The following GPC3 variants were observed in gnomAD, a reference collection of about 807,000 sequenced individuals.
GPC3 encodes the protein glypican 3.
Under a neutral mutation model 34.4 loss-of-function variants are expected in GPC3, and 3 were observed. That is an observed-to-expected ratio of 0.09 (90% CI 0.04 to 0.23). The LOEUF (loss-of-function observed/expected upper bound fraction) is 0.23. Among genes scored for constraint, GPC3 ranks in the 10% least tolerant of loss-of-function variants. The pLI, the probability that GPC3 is intolerant of heterozygous loss-of-function variation, is 1.00. For synonymous variants in GPC3, 177 were observed against 174.0 expected, an observed-to-expected ratio of 1.02 and a Z score of -0.13; for missense variants, 351 against 445.6, an observed-to-expected ratio of 0.79 and a Z score of 1.91.
In GPC3 at chrX:133,540,915, GGTGTGTGTGTGT is replaced by G. The variant is rs369378252; in HGVS notation, c.1574-4634_1574-4623del. Among the ~76,000 whole-genome samples, 29 of 91,706 alleles carry G rather than the reference GGTGTGTGTGTGT, an allele frequency of 3.2e-4. No homozygotes were observed. In the East Asian group the frequency reaches 3.8e-3, roughly 12 times the overall value. The allele number at this position is 91,706 out of a possible 115,157, so 79.6% of individuals were successfully genotyped here. The stretch of plus-strand genomic sequence containing the variant: ...GGAGCCACAGAATGGACATTGTTGT[GGTGTGTGTGTGT>G]GTGTGTGTGTGTGTGTGTGTGTGTG... On this transcript the variant is annotated intron_variant, in intron 7 of 7. Transcript: ENST00000370818.
At chrX:133,956,490 T>A (rs1368256802) in intron 1 of GPC3, among the ~76,000 whole-genome samples, 1 of 112,116 alleles carries the variant, frequency 8.9e-6, no homozygotes, top group Non-Finnish European at 1.9e-5. Flanking sequence ...GGGACACATA[T>A]GTAGACATGA....
intron 3 of GPC3, among the ~76,000 whole-genome samples, chrX:133,711,843 C>G (rs1213840410): frequency 9.0e-6 from 1 of 111,609 alleles, no homozygotes; most frequent in Non-Finnish European, 1.9e-5. Context: ...GAACTGAGTG[C>G]TCTTACTGGC....
At chrX:133,598,904 T>A (rs1331178652) in intron 6 of GPC3, among the ~76,000 whole-genome samples, 3 of 111,953 alleles carry the variant, frequency 2.7e-5, no homozygotes, top group African/African-American at 9.7e-5. Flanking sequence ...TTATCTCCAA[T>A]CTCATCTGAA....
At chrX:133,780,763 A>G (rs889796050) in intron 2 of GPC3, among the ~76,000 whole-genome samples, 1 of 111,322 alleles carries the variant, frequency 9.0e-6, no homozygotes, top group African/African-American at 3.3e-5. Context: ...CACCTCCTCC[A>G]TCAAACCCTG....
At chrX:133,740,291 T>C (rs987004931) in intron 3 of GPC3, among the ~76,000 whole-genome samples, 1 of 112,083 alleles carries the variant, frequency 8.9e-6, no homozygotes, top group Non-Finnish European at 1.9e-5. Flanking sequence ...GAGGAAAACG[T>C]TTCCACCACT....
intron 7 of GPC3, among the ~76,000 whole-genome samples, chrX:133,544,671 G>A (rs2069367631): frequency 9.0e-6 from 1 of 111,592 alleles, no homozygotes; most frequent in Admixed American, 9.5e-5. Flanking sequence ...GACCACAGGT[G>A]TGTGCCACCA....
At chrX:133,882,851 A>T (rs1247669663) in intron 2 of GPC3, among the ~76,000 whole-genome samples, 2 of 111,319 alleles carry the variant, frequency 1.8e-5, no homozygotes, top group Admixed American at 1.9e-4. Context: ...TGAGAATCTT[A>T]TTTCCAATCT....
intron 6 of GPC3, among the ~76,000 whole-genome samples, chrX:133,650,967 T>C (rs1342864077): frequency 4.5e-5 from 5 of 111,251 alleles, no homozygotes; most frequent in Non-Finnish European, 1.9e-5. Context: ...ATAGATCTAT[T>C]TGGCTCTAAA....
chrX:133,932,867 GGACA>G (rs2076304611), intron 2 of GPC3, among the ~76,000 whole-genome samples: 1 of 111,156 alleles, frequency 9.0e-6, no homozygotes, highest in Non-Finnish European at 1.9e-5. Context: ...TCATCTCTTT[GGACA>G]GACAAAGAAA....
At chrX:133,822,775 C>T (rs2075725612) in intron 2 of GPC3, among the ~76,000 whole-genome samples, 1 of 110,686 alleles carries the variant, frequency 9.0e-6, no homozygotes, top group African/African-American at 3.3e-5. Context: ...AAACAAGACC[C>T]AGAGCCTCAT....
intron 5 of GPC3, among the ~76,000 whole-genome samples, chrX:133,683,382 G>A (rs1288209178): frequency 8.9e-6 from 1 of 112,007 alleles, no homozygotes; most frequent in African/African-American, 3.2e-5. Context: ...CTGATTCATG[G>A]AGCAGTGATA....
chrX:133,810,683 A>T (rs2075659710), intron 2 of GPC3, among the ~76,000 whole-genome samples: 2 of 109,026 alleles, frequency 1.8e-5, no homozygotes, highest in Non-Finnish European at 3.8e-5. Flanking sequence ...AGGCGGGTGG[A>T]TCACGAGGTC....
chrX:133,829,239 C>T (rs778726816), intron 2 of GPC3, among the ~76,000 whole-genome samples: 31 of 111,776 alleles, frequency 2.8e-4, no homozygotes, highest in Admixed American at 2.1e-3. Context: ...AATTTTATAA[C>T]GGTAAAGGGT....
intron 2 of GPC3, among the ~76,000 whole-genome samples, chrX:133,899,237 C>T (rs999904911): frequency 7.1e-5 from 8 of 111,986 alleles, no homozygotes; most frequent in African/African-American, 1.3e-4. Flanking sequence ...TTATAAGGAA[C>T]ATCAGTCTCA....
chrX:133,926,970 A>G (rs1227173170), intron 2 of GPC3, among the ~76,000 whole-genome samples: 2 of 110,530 alleles, frequency 1.8e-5, no homozygotes, highest in Non-Finnish European at 3.8e-5. Flanking sequence ...CTCCTCTGGA[A>G]CCACCAATTA....
At chrX:133,759,033 A>C (rs889322175) in intron 2 of GPC3, among the ~76,000 whole-genome samples, 1 of 111,531 alleles carries the variant, frequency 9.0e-6, no homozygotes, top group Admixed American at 9.5e-5. Context: ...CATTATACTT[A>C]AAGTACTAGC....
At chrX:133,734,426 C>T (rs762029376) in intron 3 of GPC3, among the ~76,000 whole-genome samples, 1 of 110,733 alleles carries the variant, frequency 9.0e-6, no homozygotes, top group Admixed American at 9.7e-5. Flanking sequence ...AAAGTCACAG[C>T]TAATACTATA....
chrX:133,854,182 A>G (rs2075889324), intron 2 of GPC3, among the ~76,000 whole-genome samples: 1 of 111,670 alleles, frequency 9.0e-6, no homozygotes, highest in African/African-American at 3.3e-5. Flanking sequence ...CCATGGCTAG[A>G]AAAAGGATCC....
chrX:133,687,185 G>A (rs960102915), intron 5 of GPC3, among the ~76,000 whole-genome samples: 6 of 95,234 alleles, frequency 6.3e-5, no homozygotes, highest in Admixed American at 2.5e-4. Context: ...CTCGTGATCC[G>A]CCTGCCTCGG....
Sources: allele counts gnomAD v4.1 joint callset (sites outside exome capture counted in the v4.1 genomes callset), GRCh38; gene constraint gnomAD v4.1.1; transcripts MANE v1.5; gene names NCBI Gene and HGNC (gene_info 2026-07-23, HGNC 2026-07-21).